PPM1L: variants seen among roughly 807,000 people sequenced by gnomAD.
The protein encoded by PPM1L is protein phosphatase, Mg2+/Mn2+ dependent 1L.
PPM1L carries 13 observed loss-of-function variants against 31.4 expected under a neutral mutation model. The observed-to-expected ratio is 0.41, with a 90% CI of 0.27 to 0.66. The LOEUF is 0.66. Among genes scored for constraint, PPM1L ranks in the 30% least tolerant of loss-of-function variants. PPM1L has a pLI of 0.29. For missense variants in PPM1L, 326 were observed against 453.7 expected (o/e 0.72, Z 2.56); for synonymous variants, 184 against 175.4 (o/e 1.05, Z -0.39).
chr3:161,055,333 C>T (rs561725055), intron 2 of PPM1L, among the ~76,000 whole-genome samples: 68 of 152,076 alleles, frequency 4.5e-4, no homozygotes, highest in African/African-American at 1.6e-3. Context: ...TGAGAGCTGC[C>T]GGGTACTTTA....
In PPM1L at chr3:161,077,370, C is replaced by G. The variant is rs1720136100; in HGVS notation, c.*8213C>G. ...ACAAGGATAGGGGGGTGGGACTGTC[C>G]CAGTGGAGGGTGCCACTGGAAGCCT... is the stretch of plus-strand genomic sequence containing the variant. On this transcript the variant is annotated 3_prime_UTR_variant, in exon 4 of 4. Transcript: ENST00000498165. 1 of 152,208 alleles carries G rather than the reference C, an allele frequency of 6.6e-6. No individual in the cohort carries two copies. Among genetic ancestry groups the G allele is most frequent in the Non-Finnish European group, 1.5e-5 (1 of 68,096 alleles). The allele number at this position is 152,208 out of a possible 1,614,324, so 9.4% of individuals were successfully genotyped here.
rs1377098569 is a variant in PPM1L, at chr3:160,958,838, CTT to C, written c.400-2895_400-2894del. The stretch of plus-strand genomic sequence containing the variant: ...CTTTTCACCACCACTTCCCAGTGGA[CTT>C]TTCCTGGGAAGTCAGTTGTCATTGT... On this transcript the variant is annotated intron_variant, in intron 1 of 3. Coordinates refer to ENST00000498165, the MANE Select transcript of PPM1L (RefSeq NM_139245.4). Among the ~76,000 whole-genome samples the C allele has an allele frequency of 3.3e-5, 5 of 152,176 alleles. No homozygotes were observed. In the East Asian group the frequency reaches 7.7e-4, roughly 23 times the overall value.
chr3:160,944,153 C>A (rs776759894), intron 1 of PPM1L, among the ~76,000 whole-genome samples: 1 of 151,900 alleles, frequency 6.6e-6, no homozygotes, highest in Non-Finnish European at 1.5e-5. Flanking sequence ...CTTCACTAAG[C>A]AGTTCATTAT....
intron 1 of PPM1L, among the ~76,000 whole-genome samples, chr3:160,786,395 T>A (rs1210467371): frequency 6.7e-6 from 1 of 150,212 alleles, no homozygotes; most frequent in Non-Finnish European, 1.5e-5. Context: ...TTTTTGTATT[T>A]TTGGTAGAGA....
rs538521812 is a variant in PPM1L, at chr3:160,761,504, A to C, written c.399+4797A>C. ...TATCTTAAGGATGCTGAATTATGTA[A>C]CTGATTGGGCCATCCTGGGTTTGTT... On this transcript the variant is annotated intron_variant, in intron 1 of 3. Coordinates refer to ENST00000498165, the MANE Select transcript of PPM1L (RefSeq NM_139245.4). Among the ~76,000 whole-genome samples the C allele has an allele frequency of 3.4e-4, 52 of 152,340 alleles. 1 individual carries two copies. The Middle Eastern group carries it at 0.02, about 60-fold the overall frequency.
At chr3:160,813,756 C>G (rs1560114359) in intron 1 of PPM1L, among the ~76,000 whole-genome samples, 1 of 152,216 alleles carries the variant, frequency 6.6e-6, no homozygotes, top group Non-Finnish European at 1.5e-5. Context: ...TGGTTTCATG[C>G]ATGCATTTAA....
chr3:161,047,315 A>C (rs1198972725), intron 2 of PPM1L, among the ~76,000 whole-genome samples: 1 of 152,178 alleles, frequency 6.6e-6, no homozygotes, highest in Non-Finnish European at 1.5e-5. Context: ...CAGCCAAATC[A>C]TGAGAGAACT....
intron 1 of PPM1L, among the ~76,000 whole-genome samples, chr3:160,837,130 AT>A (rs965245635): frequency 1.3e-5 from 2 of 152,148 alleles, no homozygotes; most frequent in Non-Finnish European, 2.9e-5. Flanking sequence ...TCAAAATTTG[AT>A]AACTGTGAAC....
chr3:161,072,132 C>CT lies in PPM1L; in HGVS notation c.*2976dup, dbSNP rs1719941382. On this transcript the variant is annotated 3_prime_UTR_variant, in exon 4 of 4. Coordinates refer to ENST00000498165, the MANE Select transcript of PPM1L (RefSeq NM_139245.4). ...TTAACATAGGTTGGGGGAGGGACAG[C>CT]TAGGGAAATTTTTTTTAATTAATTG... The CT allele has an allele frequency of 7.1e-6, 1 of 141,236 alleles. No homozygotes were observed. Among genetic ancestry groups the CT allele is most frequent in the Admixed American group, 7.1e-5 (1 of 14,096 alleles). The allele number at this position is 141,236 out of a possible 1,614,324, so 8.7% of individuals were successfully genotyped here.
At chr3:160,839,144 C>T (rs1713797147) in intron 1 of PPM1L, among the ~76,000 whole-genome samples, 1 of 152,176 alleles carries the variant, frequency 6.6e-6, no homozygotes. Flanking sequence ...CCTCCAGAAC[C>T]ATTATCTAAA....
intron 2 of PPM1L, among the ~76,000 whole-genome samples, chr3:161,000,394 C>G (rs1377843859): frequency 6.6e-6 from 1 of 152,126 alleles, no homozygotes; most frequent in Non-Finnish European, 1.5e-5. Context: ...TGTGATCCAG[C>G]AGAGAAGCAT....
intron 1 of PPM1L, among the ~76,000 whole-genome samples, chr3:160,901,619 T>C (rs948018816): frequency 6.6e-6 from 1 of 152,180 alleles, no homozygotes; most frequent in African/African-American, 2.4e-5. Flanking sequence ...CTCCCCCACT[T>C]ACTTCAGGAC....
chr3:160,937,882 T>C lies in PPM1L; in HGVS notation c.400-23854T>C, dbSNP rs114081580. On this transcript the variant is annotated intron_variant, in intron 1 of 3. Coordinates refer to ENST00000498165, the MANE Select transcript of PPM1L (RefSeq NM_139245.4). ...ATGTGTTTTAATATTTTTATTATTG[T>C]TCAACATTACTTTTTGCAGGTATGA... 4.3e-3 allele frequency among the ~76,000 whole-genome samples: 660 copies of C among 152,314 alleles called. 3 individuals are homozygous for C. The highest frequency in any genetic ancestry group is 0.015 in the African/African-American group (633 of 41,568).
chr3:160,836,890 G>A (rs906527889), intron 1 of PPM1L, among the ~76,000 whole-genome samples: 3 of 152,118 alleles, frequency 2.0e-5, no homozygotes, highest in Non-Finnish European at 4.4e-5. Context: ...ATGCAAAGTG[G>A]CATTCTCCTT....
chr3:160,839,937 C>A (rs984132547), intron 1 of PPM1L, among the ~76,000 whole-genome samples: 3 of 152,120 alleles, frequency 2.0e-5, no homozygotes, highest in African/African-American at 4.8e-5. Flanking sequence ...ATTTGAATTT[C>A]TTTAGTGATA....
At chr3:161,063,544 GTGT>G (rs573651896) in intron 2 of PPM1L, among the ~76,000 whole-genome samples, 4 of 152,012 alleles carry the variant, frequency 2.6e-5, no homozygotes, top group South Asian at 2.1e-4. Flanking sequence ...TAAGAATTCA[GTGT>G]TGTTGTTTTT....
chr3:160,983,736 T>G (rs1011634997), intron 2 of PPM1L, among the ~76,000 whole-genome samples: 1 of 152,332 alleles, frequency 6.6e-6, no homozygotes, highest in Non-Finnish European at 1.5e-5. Flanking sequence ...GTGGGTTCTT[T>G]TCTATTTACC....
intron 1 of PPM1L, among the ~76,000 whole-genome samples, chr3:160,867,505 C>T (rs1378716222): frequency 6.7e-6 from 1 of 149,718 alleles, no homozygotes; most frequent in African/African-American, 2.4e-5. Context: ...TTACTTGACA[C>T]TTTCTTCACA....
In PPM1L at chr3:160,961,929, C is replaced by T. The variant is rs1215814673; in HGVS notation, c.574+19C>T. ...GAAGCAGGTATGTTTGTTTTTAAAA[C>T]ACACATTTTTTTTCCTTGCAAAAAA... On this transcript the variant is annotated intron_variant, in intron 2 of 3. Transcript: ENST00000498165. 33 of 1,526,050 alleles carry T rather than the reference C, an allele frequency of 2.2e-5. No individual in the cohort carries two copies. In the Admixed American group the frequency reaches 7.7e-4, roughly 36 times the overall value. 94.5% of individuals were successfully genotyped at this position (1,526,050 alleles called of 1,614,324 possible). A position where few individuals can be genotyped will look rare whatever the true frequency, so the allele number is the denominator to read the frequency against.
Sources: allele counts gnomAD v4.1 joint callset (sites outside exome capture counted in the v4.1 genomes callset), GRCh38; gene constraint gnomAD v4.1.1; transcripts MANE v1.5; gene names NCBI Gene and HGNC (gene_info 2026-07-23, HGNC 2026-07-21).